The following TNFSF4 variants were observed in gnomAD, a reference collection of about 807,000 sequenced individuals.
TNFSF4 encodes TNF superfamily member 4.
A neutral mutation model predicts 7.3 loss-of-function variants in TNFSF4; 4 were observed. The observed-to-expected ratio is 0.55, with a 90% CI of 0.27 to 1.25. The LOEUF is 1.25. Ranked by LOEUF, TNFSF4 falls within the 50% of genes most tolerant of loss-of-function variation. The pLI is 0.12. For synonymous variants in TNFSF4, 76 were observed against 83.7 expected, an observed-to-expected ratio of 0.91 and a Z score of 0.50; for missense variants, 181 against 208.8, an observed-to-expected ratio of 0.87 and a Z score of 0.82.
intron 1 of TNFSF4, among the ~76,000 whole-genome samples, chr1:173,198,035 A>G (rs1468878531): frequency 6.6e-6 from 1 of 152,202 alleles, no homozygotes; most frequent in Non-Finnish European, 1.5e-5. Flanking sequence ...AGAGAAGAAA[A>G]AAAAAGAAAT....
At chr1:173,327,143 A>G in the TNFSF4 span, among the ~76,000 whole-genome samples, 4 of 152,244 alleles carry the variant, frequency 2.6e-5, no homozygotes, top group Non-Finnish European at 5.9e-5. Context: ...TAACCAAAAC[A>G]GCATAGTACT....
chr1:173,197,644 C>T (rs1557883279), intron 1 of TNFSF4, among the ~76,000 whole-genome samples: 1 of 152,220 alleles, frequency 6.6e-6, no homozygotes, highest in East Asian at 1.9e-4. Context: ...AATGAGAACA[C>T]ATGGACATGT....
At chr1:173,394,216 T>TAAAAAAAAA in the TNFSF4 span, among the ~76,000 whole-genome samples, 16 of 112,604 alleles carry the variant, frequency 1.4e-4, no homozygotes, top group African/African-American at 5.0e-4. Context: ...ACTCCATCTT[T>TAAAAAAAAA]AAAAAAAAAA....
chr1:173,439,014 T>C, the TNFSF4 span, among the ~76,000 whole-genome samples: 2 of 152,144 alleles, frequency 1.3e-5, no homozygotes, highest in Admixed American at 6.5e-5. Context: ...ACCCCATCAA[T>C]ACAAGCTGAG....
At chr1:173,233,141 G>A in the TNFSF4 span, among the ~76,000 whole-genome samples, 17 of 152,178 alleles carry the variant, frequency 1.1e-4, no homozygotes, top group Non-Finnish European at 2.2e-4. Context: ...TAAATGACCT[G>A]ATGGAGGTGA....
the TNFSF4 span, among the ~76,000 whole-genome samples, chr1:173,296,915 G>C: frequency 6.6e-5 from 10 of 151,898 alleles, no homozygotes; most frequent in Non-Finnish European, 1.3e-4. Flanking sequence ...CTCTCAATAG[G>C]CCTTGGAGTC....
At chr1:173,312,107 T>C in the TNFSF4 span, among the ~76,000 whole-genome samples, 1 of 152,092 alleles carries the variant, frequency 6.6e-6, no homozygotes, top group Non-Finnish European at 1.5e-5. Flanking sequence ...CCATGATGAT[T>C]TTCTTAAGAT....
At chr1:173,439,846 G>T in the TNFSF4 span, among the ~76,000 whole-genome samples, 1 of 152,058 alleles carries the variant, frequency 6.6e-6, no homozygotes, top group Non-Finnish European at 1.5e-5. Context: ...CAGAGGCTTG[G>T]GGGGAAGGTT....
chr1:173,308,816 T>C, the TNFSF4 span, among the ~76,000 whole-genome samples: 1 of 151,904 alleles, frequency 6.6e-6, no homozygotes, highest in Non-Finnish European at 1.5e-5. Context: ...TCTTGGAGCC[T>C]AGCTGGGACT....
At chr1:173,368,095 A>C in the TNFSF4 span, among the ~76,000 whole-genome samples, 1 of 152,244 alleles carries the variant, frequency 6.6e-6, no homozygotes, top group African/African-American at 2.4e-5. Context: ...TCCTAAAAGT[A>C]GCCAATCACA....
the TNFSF4 span, among the ~76,000 whole-genome samples, chr1:173,349,331 T>A: frequency 1.3e-5 from 2 of 152,180 alleles, no homozygotes; most frequent in African/African-American, 4.8e-5. Context: ...CCCGGCCCCC[T>A]TGCTTGTTTT....
the TNFSF4 span, among the ~76,000 whole-genome samples, chr1:173,390,153 G>A: frequency 6.6e-6 from 1 of 152,120 alleles, no homozygotes; most frequent in Non-Finnish European, 1.5e-5. Context: ...AAAACCATGT[G>A]AGACTAGTAC....
At chr1:173,268,223 G>A in the TNFSF4 span, among the ~76,000 whole-genome samples, 1 of 151,974 alleles carries the variant, frequency 6.6e-6, no homozygotes, top group Non-Finnish European at 1.5e-5. Flanking sequence ...AGAAAAGAAG[G>A]GCAACTGAAG....
At chr1:173,438,033 T>C in the TNFSF4 span, among the ~76,000 whole-genome samples, 1 of 152,132 alleles carries the variant, frequency 6.6e-6, no homozygotes, top group Non-Finnish European at 1.5e-5. Context: ...TTGGGAAAAT[T>C]TGTATACCTA....
At chr1:173,399,392 T>C in the TNFSF4 span, among the ~76,000 whole-genome samples, 1 of 152,142 alleles carries the variant, frequency 6.6e-6, no homozygotes, top group Non-Finnish European at 1.5e-5. Context: ...CTGTGAAGGA[T>C]ACTGGTGAAG....
the TNFSF4 span, among the ~76,000 whole-genome samples, chr1:173,296,284 A>C: frequency 6.6e-6 from 1 of 152,018 alleles, no homozygotes; most frequent in African/African-American, 2.4e-5. Flanking sequence ...TGCAAATGAC[A>C]TGTCTCATTA....
chr1:173,328,337 C>T, the TNFSF4 span, among the ~76,000 whole-genome samples: 2 of 129,332 alleles, frequency 1.5e-5, no homozygotes, highest in African/African-American at 6.1e-5. Context: ...GGGAACATCA[C>T]ACACTGGGGA....
At chr1:173,198,817 G>T (rs542336913) in intron 1 of TNFSF4, among the ~76,000 whole-genome samples, 3 of 152,134 alleles carry the variant, frequency 2.0e-5, no homozygotes, top group African/African-American at 4.8e-5. Flanking sequence ...CCTCATCTGT[G>T]GGGGGCTAAA....
At chr1:173,240,870 A>G in the TNFSF4 span, among the ~76,000 whole-genome samples, 3 of 152,204 alleles carry the variant, frequency 2.0e-5, no homozygotes, top group African/African-American at 7.2e-5. Context: ...TTGCCAAATG[A>G]TGAGTGTAAA....
Sources: gnomAD v4.1 joint callset for allele counts (sites outside exome capture counted in the v4.1 genomes callset) on GRCh38, gnomAD v4.1.1 for gene constraint, MANE v1.5 for transcripts, NCBI Gene and HGNC (gene_info 2026-07-23, HGNC 2026-07-21) for gene names.